Variants in CCSER1 observed in about 807,000 individuals in gnomAD.
The protein encoded by CCSER1 is serine-rich coiled-coil domain-containing protein 1.
In CCSER1, 41 loss-of-function variants were observed where a neutral mutation model predicts 82.0. The ratio of observed to expected loss-of-function variants is 0.50; its 90% CI spans 0.39 to 0.65. The LOEUF is 0.65. Ranked by LOEUF, CCSER1 falls within the 30% of genes least tolerant of loss-of-function variation. CCSER1 has a pLI of 0.00. For synonymous variants in CCSER1, 414 were observed against 383.9 expected, an observed-to-expected ratio of 1.08 and a Z score of -0.92; for missense variants, 1,119 against 1,064.2, an observed-to-expected ratio of 1.05 and a Z score of -0.72.
chr4:91,020,789 G>A (rs1398257286), intron 9 of CCSER1, among the ~76,000 whole-genome samples: 1 of 152,040 alleles, frequency 6.6e-6, no homozygotes, highest in Admixed American at 6.6e-5. Flanking sequence ...TCCCAACTTG[G>A]CATTAGAAAT....
chr4:91,130,262 CATTA>C lies in CCSER1; in HGVS notation c.2217+44275_2217+44278del, dbSNP rs200287195. ...TTATTTTTATATATTATTTTAAAAA[CATTA>C]ATTAATGTTTCAGGAGCAAAGTATA... On this transcript the variant is annotated intron_variant, in intron 10 of 10. Transcript: ENST00000509176. 7.1e-3 allele frequency among the ~76,000 whole-genome samples: 1,076 copies of C among 151,828 alleles called. 5 individuals carry two copies. The highest frequency in any genetic ancestry group is 0.025 in the South Asian group (121 of 4,820).
intron 10 of CCSER1, among the ~76,000 whole-genome samples, chr4:91,382,106 T>G (rs1750943601): frequency 6.6e-6 from 1 of 152,162 alleles, no homozygotes; most frequent in Non-Finnish European, 1.5e-5. Flanking sequence ...TGCCTAGTCG[T>G]TCCTCTGGAA....
At chr4:91,037,686 T>G (rs1741570791) in intron 9 of CCSER1, among the ~76,000 whole-genome samples, 1 of 152,132 alleles carries the variant, frequency 6.6e-6, no homozygotes, top group Non-Finnish European at 1.5e-5. Flanking sequence ...GAAAGAAAGA[T>G]AACTCCACGG....
chr4:91,602,478 T>TAAAC lies in CCSER1; in HGVS notation c.*3423_*3426dup, dbSNP rs1764849393. ...CTTTCTTGGCAACTTAGTTGTTGAT[T>TAAAC]AAACAGTAGGAACAGTTTGCTGAAT... On this transcript the variant is annotated 3_prime_UTR_variant, in exon 11 of 11. Coordinates refer to ENST00000509176, the MANE Select transcript of CCSER1 (RefSeq NM_001145065.2). 8.5e-5 allele frequency among the ~76,000 whole-genome samples: 13 copies of TAAAC among 152,152 alleles called. No individual in the cohort carries two copies. The South Asian group carries it at 2.7e-3, about 32-fold the overall frequency.
intron 5 of CCSER1, among the ~76,000 whole-genome samples, chr4:90,571,086 G>A (rs1381054042): frequency 6.6e-6 from 1 of 152,150 alleles, no homozygotes; most frequent in Non-Finnish European, 1.5e-5. Flanking sequence ...AATAACAGAA[G>A]TTGGCCAATC....
chr4:90,341,033 C>A (rs901962853), intron 3 of CCSER1, among the ~76,000 whole-genome samples: 1 of 151,976 alleles, frequency 6.6e-6, no homozygotes, highest in East Asian at 1.9e-4. Flanking sequence ...TGAGTTTTCG[C>A]TGTAAAGAGA....
chr4:90,364,789 C>A (rs531660511), intron 3 of CCSER1, among the ~76,000 whole-genome samples: 1 of 151,940 alleles, frequency 6.6e-6, no homozygotes, highest in Non-Finnish European at 1.5e-5. Context: ...ATGGGAAGTT[C>A]TTAAATGTGG....
At chr4:90,571,644 C>G (rs1363011314) in intron 5 of CCSER1, among the ~76,000 whole-genome samples, 1 of 152,042 alleles carries the variant, frequency 6.6e-6, no homozygotes, top group Non-Finnish European at 1.5e-5. Flanking sequence ...CTTTTGGGTC[C>G]TATTTTCACT....
At chr4:90,231,563 A>G (rs1744559074) in intron 1 of CCSER1, among the ~76,000 whole-genome samples, 1 of 143,186 alleles carries the variant, frequency 7.0e-6, no homozygotes, top group South Asian at 2.4e-4. Flanking sequence ...AACTGGCACA[A>G]GACAGGGATG....
chr4:91,411,491 C>CAT (rs770013398), intron 10 of CCSER1, among the ~76,000 whole-genome samples: 1,517 of 53,632 alleles, frequency 0.028, 72 homozygotes, highest in East Asian at 0.062. Context: ...TGCATATATA[C>CAT]ATATATATAT....
intron 4 of CCSER1, among the ~76,000 whole-genome samples, chr4:90,431,082 C>A (rs1247895949): frequency 6.6e-6 from 1 of 151,896 alleles, no homozygotes; most frequent in African/African-American, 2.4e-5. Context: ...CATTTTAGAT[C>A]CTCACTTGGC....
intron 3 of CCSER1, among the ~76,000 whole-genome samples, chr4:90,380,548 C>T (rs938034934): frequency 2.0e-5 from 3 of 152,108 alleles, no homozygotes; most frequent in Non-Finnish European, 4.4e-5. Flanking sequence ...GCTGTTGTCC[C>T]TCAGAATACA....
At chr4:90,266,258 T>A (rs893618133) in intron 1 of CCSER1, among the ~76,000 whole-genome samples, 2 of 152,100 alleles carry the variant, frequency 1.3e-5, no homozygotes, top group Admixed American at 6.5e-5. Context: ...CTTTCTTCTT[T>A]GGTTCCTTCT....
intron 1 of CCSER1, among the ~76,000 whole-genome samples, chr4:90,157,891 G>A (rs895569701): frequency 1.4e-4 from 21 of 152,258 alleles, no homozygotes; most frequent in South Asian, 4.1e-4. Context: ...GTCATTCTCC[G>A]TCCAGCTTTG....
At chr4:91,419,304 T>A (rs1258558337) in intron 10 of CCSER1, among the ~76,000 whole-genome samples, 5 of 151,992 alleles carry the variant, frequency 3.3e-5, no homozygotes, top group Non-Finnish European at 5.9e-5. Flanking sequence ...TCTCTGCAAA[T>A]GACATGATCT....
chr4:90,663,149 T>C (rs1731127137), intron 6 of CCSER1, among the ~76,000 whole-genome samples: 1 of 152,212 alleles, frequency 6.6e-6, no homozygotes, highest in Non-Finnish European at 1.5e-5. Flanking sequence ...AATAATGGTT[T>C]ACTGTTTGAA....
chr4:90,481,440 T>G (rs1053352574), intron 5 of CCSER1, among the ~76,000 whole-genome samples: 1 of 152,206 alleles, frequency 6.6e-6, no homozygotes, highest in Non-Finnish European at 1.5e-5. Flanking sequence ...GGCATCCTTG[T>G]CTTGTGCCAG....
At chr4:91,371,118 C>T (rs931961948) in intron 10 of CCSER1, among the ~76,000 whole-genome samples, 16 of 152,134 alleles carry the variant, frequency 1.1e-4, no homozygotes, top group African/African-American at 3.9e-4. Context: ...CTGCCTTGGC[C>T]TCCCAAAGTG....
intron 10 of CCSER1, among the ~76,000 whole-genome samples, chr4:91,297,385 A>ATGTGTGTGTGTGTGTGTGTATG (rs1744284621): frequency 8.5e-6 from 1 of 117,988 alleles, no homozygotes; most frequent in Non-Finnish European, 1.9e-5. Flanking sequence ...GTGTGTGTGT[A>ATGTGTGTGTGTGTGTGTGTATG]TGTGTGTGTG....
Sources: gnomAD v4.1 joint callset for allele counts (sites outside exome capture counted in the v4.1 genomes callset) on GRCh38, gnomAD v4.1.1 for gene constraint, MANE v1.5 for transcripts, NCBI Gene and HGNC (gene_info 2026-07-23, HGNC 2026-07-21) for gene names.